The following PELI2 variants were observed in gnomAD, a reference collection of about 807,000 sequenced individuals.
PELI2 encodes the protein E3 ubiquitin-protein ligase pellino homolog 2.
In PELI2, 23 loss-of-function variants were observed where a neutral mutation model predicts 42.3. The ratio of observed to expected loss-of-function variants is 0.54; its 90% CI spans 0.39 to 0.77. PELI2 has a LOEUF of 0.77. Ranked by LOEUF, PELI2 falls within the 30% of genes least tolerant of loss-of-function variation. The probability of loss-of-function intolerance (pLI) is 0.00; values close to 1 mark genes in which losing one functional copy is unlikely to be tolerated. For missense variants in PELI2, 463 were observed against 553.2 expected (o/e 0.84, Z 1.64); for synonymous variants, 245 against 212.2 (o/e 1.15, Z -1.34).
chr14:56,250,394 G>A (rs1436463202), intron 2 of PELI2, among the ~76,000 whole-genome samples: 1 of 152,114 alleles, frequency 6.6e-6, no homozygotes, highest in Non-Finnish European at 1.5e-5. Context: ...TTTATTAGGG[G>A]AATTGACTCA....
chr14:56,260,866 A>C (rs1433518476), intron 2 of PELI2, among the ~76,000 whole-genome samples: 5 of 152,172 alleles, frequency 3.3e-5, no homozygotes, highest in African/African-American at 1.2e-4. Context: ...ATCTATGTTC[A>C]GCTTAGAATA....
intron 1 of PELI2, among the ~76,000 whole-genome samples, chr14:56,133,289 T>C (rs375936465): frequency 2.7e-4 from 41 of 152,324 alleles, no homozygotes; most frequent in African/African-American, 9.1e-4. Flanking sequence ...GAGTGAGGTA[T>C]ATGTTAATAG....
At chr14:56,190,443 A>G (rs1219376249) in intron 2 of PELI2, among the ~76,000 whole-genome samples, 2 of 152,226 alleles carry the variant, frequency 1.3e-5, no homozygotes, top group Non-Finnish European at 2.9e-5. Flanking sequence ...ATGAATTTTC[A>G]TAAAGTGAAC....
chr14:56,188,503 G>A (rs1036897881), intron 2 of PELI2, among the ~76,000 whole-genome samples: 2 of 151,992 alleles, frequency 1.3e-5, no homozygotes, highest in African/African-American at 4.8e-5. Flanking sequence ...TTGAAAACTT[G>A]GTTTTTAGCC....
At chr14:56,295,554 C>T (rs1367019376) in intron 5 of PELI2, among the ~76,000 whole-genome samples, 2 of 152,178 alleles carry the variant, frequency 1.3e-5, no homozygotes, top group Admixed American at 6.5e-5. Flanking sequence ...CATTTCTGAC[C>T]GTCTGTCATC....
At chr14:56,201,341 G>C (rs913624626) in intron 2 of PELI2, among the ~76,000 whole-genome samples, 1 of 152,142 alleles carries the variant, frequency 6.6e-6, no homozygotes, top group South Asian at 2.1e-4. Flanking sequence ...ACTTAAGTAG[G>C]CCTGCAAGCC....
At chr14:56,171,056 T>C (rs943702694) in intron 1 of PELI2, among the ~76,000 whole-genome samples, 3 of 152,214 alleles carry the variant, frequency 2.0e-5, no homozygotes, top group African/African-American at 7.2e-5. Context: ...CCTTCTTTCA[T>C]GGGACAGTAA....
intron 1 of PELI2, among the ~76,000 whole-genome samples, chr14:56,135,378 T>G (rs1269494533): frequency 6.6e-6 from 1 of 152,226 alleles, no homozygotes; most frequent in Non-Finnish European, 1.5e-5. Context: ...TGGCCGATTA[T>G]TTTTTGCCTT....
At chr14:56,126,766 A>G (rs766978907) in intron 1 of PELI2, among the ~76,000 whole-genome samples, 7 of 152,182 alleles carry the variant, frequency 4.6e-5, no homozygotes, top group African/African-American at 9.7e-5. Context: ...CGTTGGGGAA[A>G]GGCCCTTCCT....
chr14:56,285,337 C>A (rs1889609275), intron 3 of PELI2, among the ~76,000 whole-genome samples: 1 of 152,100 alleles, frequency 6.6e-6, no homozygotes, highest in Admixed American at 6.5e-5. Flanking sequence ...TTAGCTTGAG[C>A]AAATTGGATG....
At chr14:56,210,034 A>C (rs1368072813) in intron 2 of PELI2, among the ~76,000 whole-genome samples, 2 of 152,154 alleles carry the variant, frequency 1.3e-5, no homozygotes, top group African/African-American at 4.8e-5. Context: ...GGGAAATTTG[A>C]ATGTGGGTGT....
intron 1 of PELI2, among the ~76,000 whole-genome samples, chr14:56,129,178 A>T (rs1883389549): frequency 6.6e-6 from 1 of 152,220 alleles, no homozygotes; most frequent in South Asian, 2.1e-4. Flanking sequence ...GACTCTAGGT[A>T]GCAGGCAGTG....
chr14:56,173,457 C>A (rs1885253349), intron 1 of PELI2, among the ~76,000 whole-genome samples: 1 of 151,736 alleles, frequency 6.6e-6, no homozygotes, highest in African/African-American at 2.4e-5. Context: ...TAAAATTTTT[C>A]TCTAATCCTC....
At chr14:56,151,888 A>G (rs1306346470) in intron 1 of PELI2, among the ~76,000 whole-genome samples, 2 of 152,226 alleles carry the variant, frequency 1.3e-5, no homozygotes, top group East Asian at 3.8e-4. Context: ...TAAGTCTTAT[A>G]GTTGAAATTT....
chr14:56,262,632 C>T (rs552199304), intron 2 of PELI2, among the ~76,000 whole-genome samples: 6 of 152,272 alleles, frequency 3.9e-5, no homozygotes, highest in East Asian at 1.9e-4. Flanking sequence ...ATCTGTGCCA[C>T]GGCTTTCCTC....
chr14:56,299,584 T>A lies in PELI2; in HGVS notation c.*2418T>A, dbSNP rs1053679188. On this transcript the variant is annotated 3_prime_UTR_variant, in exon 6 of 6. Transcript: ENST00000267460. Reference sequence around the variant, plus strand: ...CTCTTCTTGGCCACTTGTAGGAAGATCCCTTTACAATTTTGACTAAGGAGA... The same window carrying A: ...CTCTTCTTGGCCACTTGTAGGAAGAACCCTTTACAATTTTGACTAAGGAGA... The A allele has an allele frequency of 6.6e-6, 1 of 152,128 alleles. No homozygotes were observed. The highest frequency in any genetic ancestry group is 1.5e-5 in the Non-Finnish European group (1 of 68,032). 9.4% of individuals were successfully genotyped at this position (152,128 alleles called of 1,614,324 possible). A position where few individuals can be genotyped will look rare whatever the true frequency, so the allele number is the denominator to read the frequency against.
chr14:56,156,447 A>G (rs1261212815), intron 1 of PELI2, among the ~76,000 whole-genome samples: 1 of 152,236 alleles, frequency 6.6e-6, no homozygotes, highest in African/African-American at 2.4e-5. Flanking sequence ...CATTATTCCA[A>G]CAAACTATTT....
intron 1 of PELI2, among the ~76,000 whole-genome samples, chr14:56,163,169 A>G (rs574318430): frequency 6.6e-6 from 1 of 152,042 alleles, no homozygotes; most frequent in South Asian, 2.1e-4. Context: ...TGTCCTGGAG[A>G]TTTTCCCCAG....
At chr14:56,238,928 G>A (rs1887885548) in intron 2 of PELI2, among the ~76,000 whole-genome samples, 2 of 152,152 alleles carry the variant, frequency 1.3e-5, no homozygotes, top group Non-Finnish European at 2.9e-5. Context: ...CAGGTAGGAA[G>A]GTAGCTGAAA....
Sources: allele counts gnomAD v4.1 joint callset (sites outside exome capture counted in the v4.1 genomes callset), GRCh38; gene constraint gnomAD v4.1.1; transcripts MANE v1.5; gene names NCBI Gene and HGNC (gene_info 2026-07-23, HGNC 2026-07-21).